ANKRD20A1: variants seen among roughly 807,000 people sequenced by gnomAD.
ANKRD20A1 encodes the protein ankyrin repeat domain 20 family member A1, also known as ankyrin repeat domain-containing protein 20A1.
In ANKRD20A1, 2 loss-of-function variants were observed where a neutral mutation model predicts 50.9. The observed-to-expected ratio is 0.04, with a 90% confidence interval of 0.02 to 0.12. The LOEUF is 0.12. Ranked by LOEUF, ANKRD20A1 falls within the 10% of genes least tolerant of loss-of-function variation. The probability of loss-of-function intolerance (pLI) is 1.00; values close to 1 mark genes in which losing one functional copy is unlikely to be tolerated. For missense variants in ANKRD20A1, 31 were observed against 548.1 expected (o/e 0.06, Z 9.42); for synonymous variants, 10 against 186.2 (o/e 0.05, Z 7.70).
chr9:67,884,867 G>T (rs1179444674), intron 9 of ANKRD20A1, among the ~76,000 whole-genome samples: 1 of 151,188 alleles, frequency 6.6e-6, no homozygotes. Flanking sequence ...TCCACCCTGG[G>T]CGACAGAGCG....
chr9:67,885,702 A>G (rs1418730150), intron 9 of ANKRD20A1, among the ~76,000 whole-genome samples: 1 of 152,306 alleles, frequency 6.6e-6, no homozygotes, highest in African/African-American at 2.4e-5. Flanking sequence ...ATATGGAAGC[A>G]CATCAGTGTA....
intron 3 of ANKRD20A1, among the ~76,000 whole-genome samples, chr9:67,866,562 A>ACACCATTGATAGAAGTGAATCAAG (rs1827575787): frequency 1.1e-5 from 1 of 90,778 alleles, no homozygotes; most frequent in Non-Finnish European, 2.3e-5. Flanking sequence ...TGGGATCCTG[A>ACACCATTGATAGAAGTGAATCAAG]CACCATTGAT....
At chr9:67,859,717 C>A (rs2131547195) in intron 1 of ANKRD20A1, 88 bp downstream of exon 1, 1 of 526,370 alleles carries the variant, frequency 1.9e-6, no homozygotes, top group South Asian at 3.7e-5. Flanking sequence ...GGGCGCCGGG[C>A]ACCCTCGGAG....
At position 67,861,295 on chromosome 9, in the gene ANKRD20A1, A is replaced by G. The variant is rs1168696124; in HGVS notation, c.204-1646A>G. ...TTATCTGTTTCAGATTTTATTATCT[A>G]TATATTTTATTATGTACATATGTTT... On this transcript the variant is annotated intron_variant, in intron 1 of 14. Transcript: ENST00000562196. Among the ~76,000 whole-genome samples the G allele has an allele frequency of 5.1e-4, 25 of 49,018 alleles. 12 individuals are homozygous for G. The highest frequency in any genetic ancestry group is 8.7e-4 in the Non-Finnish European group (21 of 24,274). The allele number at this position is 49,018 out of a possible 152,430, so 32.2% of individuals were successfully genotyped here.
At chr9:67,882,251 T>C (rs867150782) in intron 8 of ANKRD20A1, among the ~76,000 whole-genome samples, 776 of 150,634 alleles carry the variant, frequency 5.2e-3, no homozygotes, top group African/African-American at 0.018. Context: ...CCTCTCAAAG[T>C]GCTGGGTTAC....
At chr9:67,881,553 G>A (rs1182705841) in intron 8 of ANKRD20A1, among the ~76,000 whole-genome samples, 11 of 152,136 alleles carry the variant, frequency 7.2e-5, no homozygotes, top group Non-Finnish European at 7.3e-5. Flanking sequence ...GATCACCTGA[G>A]GTCAGGAGTT....
intron 8 of ANKRD20A1, among the ~76,000 whole-genome samples, chr9:67,882,406 T>A (rs1221354857): frequency 1.4e-5 from 2 of 141,362 alleles, no homozygotes; most frequent in Non-Finnish European, 3.1e-5. Context: ...TTACATTGTA[T>A]TTTTTAATAT....
chr9:67,872,950 A>G (rs1827673527), intron 6 of ANKRD20A1, among the ~76,000 whole-genome samples: 1 of 141,112 alleles, frequency 7.1e-6, no homozygotes, highest in Non-Finnish European at 1.5e-5. Flanking sequence ...GCTCACTGCA[A>G]CTTCTGCTTG....
chr9:67,882,988 A>G (rs1452827186), intron 8 of ANKRD20A1, among the ~76,000 whole-genome samples: 1 of 151,088 alleles, frequency 6.6e-6, no homozygotes, highest in African/African-American at 2.4e-5. Flanking sequence ...ATGGCTGCAT[A>G]GTATTCCATG....
intron 8 of ANKRD20A1, among the ~76,000 whole-genome samples, chr9:67,882,309 CA>C (rs1359366101): frequency 2.0e-5 from 3 of 151,246 alleles, no homozygotes; most frequent in African/African-American, 7.3e-5. Context: ...AATAAATAGA[CA>C]AATGAATTTT....
intron 4 of ANKRD20A1, among the ~76,000 whole-genome samples, chr9:67,867,607 G>T (rs1265078959): frequency 1.3e-5 from 2 of 152,266 alleles, no homozygotes; most frequent in Non-Finnish European, 2.9e-5. Context: ...TTTATAATCA[G>T]ATGTTTTTGG....
At chr9:67,882,514 A>G (rs1174634034) in intron 8 of ANKRD20A1, among the ~76,000 whole-genome samples, 77 of 149,870 alleles carry the variant, frequency 5.1e-4, no homozygotes, top group African/African-American at 1.8e-3. Flanking sequence ...AAATAGGGTT[A>G]CAATATATTT....
At chr9:67,885,763 G>A (rs1304068935) in intron 9 of ANKRD20A1, among the ~76,000 whole-genome samples, 1 of 152,306 alleles carries the variant, frequency 6.6e-6, no homozygotes, top group Non-Finnish European at 1.5e-5. Context: ...TCTGGAAGGT[G>A]CACATTCTGA....
intron 9 of ANKRD20A1, among the ~76,000 whole-genome samples, chr9:67,885,423 A>G (rs1402706318): frequency 3.0e-3 from 449 of 150,612 alleles, no homozygotes; most frequent in African/African-American, 0.011. Context: ...TTTATCTACC[A>G]TAGATGAACA....
At chr9:67,873,524 A>AT (rs1827690809) in intron 6 of ANKRD20A1, among the ~76,000 whole-genome samples, 3 of 150,224 alleles carry the variant, frequency 2.0e-5, no homozygotes, top group Non-Finnish European at 4.5e-5. Flanking sequence ...TACACGTATC[A>AT]TATCAACTTA....
chr9:67,875,280 CCA>C (rs1827707356), intron 6 of ANKRD20A1, among the ~76,000 whole-genome samples: 1 of 97,514 alleles, frequency 1.0e-5, no homozygotes, highest in Non-Finnish European at 2.3e-5. Context: ...CTCAGGTGAT[CCA>C]CCCATCTTTG....
At chr9:67,885,532 G>A (rs1344609244) in intron 9 of ANKRD20A1, among the ~76,000 whole-genome samples, 2 of 152,312 alleles carry the variant, frequency 1.3e-5, no homozygotes, top group Admixed American at 6.5e-5. Context: ...TAACATAATT[G>A]AATAGTGTTG....
rs1171307007 is a variant in ANKRD20A1 at position 67,861,123 on chromosome 9, T to C, written c.203+1494T>C. On this transcript the variant is annotated intron_variant, in intron 1 of 14. Transcript: ENST00000562196. Reference sequence around the variant, plus strand: ...GTACAAAACTTCTAGTAAAAGTTTATTATTAATGGACTAATCCTTGGGAAG... The same window carrying C: ...GTACAAAACTTCTAGTAAAAGTTTACTATTAATGGACTAATCCTTGGGAAG... Among the ~76,000 whole-genome samples the C allele has an allele frequency of 4.6e-5, 2 of 43,460 alleles. 1 individual carries two copies. The highest frequency in any genetic ancestry group is 8.9e-5 in the Non-Finnish European group (2 of 22,374). The allele number at this position is 43,460 out of a possible 152,430, so 28.5% of individuals were successfully genotyped here.
At chr9:67,868,954 TC>T in intron 5 of ANKRD20A1, among the ~76,000 whole-genome samples, 2 of 71,792 alleles carry the variant, frequency 2.8e-5, no homozygotes, top group South Asian at 9.6e-4. Context: ...GGTCAAGTAA[TC>T]CCCCTGCCTC....
Sources: allele counts gnomAD v4.1 joint callset (sites outside exome capture counted in the v4.1 genomes callset), GRCh38; gene constraint gnomAD v4.1.1; transcripts MANE v1.5; gene names NCBI Gene and HGNC (gene_info 2026-07-23, HGNC 2026-07-21).